UTRN: variants seen among roughly 807,000 people sequenced by gnomAD.
The protein encoded by UTRN is dystrophin-related protein 1.
UTRN carries 283 observed loss-of-function variants against 463.9 expected under a neutral mutation model. That is an observed-to-expected ratio of 0.61 (90% CI 0.55 to 0.67). The LOEUF (loss-of-function observed/expected upper bound fraction) is 0.67, where lower values mean the gene tolerates loss of function less well. UTRN is among the 30% of genes least tolerant of loss of function. UTRN has a pLI of 0.00. For synonymous variants in UTRN, 1,442 were observed against 1,431.5 expected, an observed-to-expected ratio of 1.01 and a Z score of -0.17; for missense variants, 3,922 against 4,084.3, an observed-to-expected ratio of 0.96 and a Z score of 1.08.
intron 52 of UTRN, among the ~76,000 whole-genome samples, chr6:144,688,738 C>T (rs1009682105): frequency 1.3e-5 from 2 of 152,146 alleles, no homozygotes; most frequent in African/African-American, 4.8e-5. Context: ...TCACTGTCTC[C>T]TGTGGCATTG....
At chr6:144,703,722 C>T (rs1784815077) in intron 53 of UTRN, among the ~76,000 whole-genome samples, 3 of 151,996 alleles carry the variant, frequency 2.0e-5, no homozygotes, top group African/African-American at 4.8e-5. Flanking sequence ...TCTTGTTGAC[C>T]TTGGACAAGA....
chr6:144,751,495 G>A (rs1186823079), intron 55 of UTRN, among the ~76,000 whole-genome samples: 2 of 152,114 alleles, frequency 1.3e-5, no homozygotes, highest in Non-Finnish European at 2.9e-5. Context: ...CCATTTATTT[G>A]GAAGTACAAT....
At chr6:144,356,859 GTGTA>G (rs981277056) in intron 2 of UTRN, among the ~76,000 whole-genome samples, 4 of 99,676 alleles carry the variant, frequency 4.0e-5, no homozygotes, top group African/African-American at 1.6e-4. Flanking sequence ...ATGTGTGTGT[GTGTA>G]TGTGTGTGTA....
rs1789541820 is a variant in UTRN at position 144,462,653 on chromosome 6, G to A, written c.2854-1G>A. On this transcript the variant is annotated splice_acceptor_variant, in intron 22 of 74. Transcript: ENST00000367545. LOFTEE classifies it high-confidence loss of function. ...TTTTAATCTTTTAAAACTTTTTCCA[G>A]ACCCTTGATGAAATCCTTGAGAATC... The A allele has an allele frequency of 6.3e-7, 1 of 1,595,466 alleles. No homozygotes were observed. The highest frequency in any genetic ancestry group is 1.4e-5 in the African/African-American group (1 of 73,526).
In UTRN at chr6:144,601,832, A is replaced by G. The variant is rs185509966; in HGVS notation, c.7479+24544A>G. Among the ~76,000 whole-genome samples, 221 of 152,300 alleles carry G rather than the reference A, an allele frequency of 1.5e-3. 1 individual carries two copies. The highest frequency in any genetic ancestry group is 0.011 in the Admixed American group (172 of 15,282). Reference sequence around the variant, plus strand: ...GGAAGAATCAGTGAATGGAGCAGACATCATTGCTGTCTTATTTTAAGAAAA... The same window carrying G: ...GGAAGAATCAGTGAATGGAGCAGACGTCATTGCTGTCTTATTTTAAGAAAA... On this transcript the variant is annotated intron_variant, in intron 51 of 74. Coordinates refer to ENST00000367545, the MANE Select transcript of UTRN (RefSeq NM_007124.3).
At chr6:144,722,478 T>C (rs943859485) in intron 53 of UTRN, among the ~76,000 whole-genome samples, 5 of 152,132 alleles carry the variant, frequency 3.3e-5, no homozygotes, top group Non-Finnish European at 7.4e-5. Context: ...CACACTCCTA[T>C]GCAGAGGGAA....
chr6:144,396,220 G>C (rs1782397248), intron 2 of UTRN, among the ~76,000 whole-genome samples: 1 of 152,140 alleles, frequency 6.6e-6, no homozygotes, highest in Non-Finnish European at 1.5e-5. Context: ...TCTGATACAA[G>C]CTACAACATG....
intron 51 of UTRN, among the ~76,000 whole-genome samples, chr6:144,625,427 C>T (rs1775845554): frequency 6.6e-6 from 1 of 152,128 alleles, no homozygotes; most frequent in Non-Finnish European, 1.5e-5. Context: ...AGGTATTTAT[C>T]TGCATATTTG....
intron 48 of UTRN, among the ~76,000 whole-genome samples, chr6:144,554,272 T>C (rs1799188267): frequency 6.6e-6 from 1 of 152,236 alleles, no homozygotes; most frequent in African/African-American, 2.4e-5. Context: ...AAAATTCTCC[T>C]TTGAGGGTAA....
intron 52 of UTRN, among the ~76,000 whole-genome samples, chr6:144,689,035 C>T (rs998347776): frequency 6.6e-6 from 1 of 152,148 alleles, no homozygotes; most frequent in Non-Finnish European, 1.5e-5. Context: ...AGGAAAGCCC[C>T]ACTACCCAGT....
chr6:144,511,498 C>T (rs1287180105), intron 35 of UTRN, among the ~76,000 whole-genome samples: 1 of 152,190 alleles, frequency 6.6e-6, no homozygotes, highest in East Asian at 1.9e-4. Flanking sequence ...CAGGCTCTAG[C>T]ATCTGACGGC....
chr6:144,534,357 C>G (rs2128603395), intron 43 of UTRN, among the ~76,000 whole-genome samples: 1 of 152,250 alleles, frequency 6.6e-6, no homozygotes, highest in African/African-American at 2.4e-5. Context: ...GGTTAAGTAA[C>G]TTGTCCAAGA....
intron 69 of UTRN, among the ~76,000 whole-genome samples, chr6:144,832,171 A>T (rs1780726737): frequency 6.6e-6 from 1 of 152,188 alleles, no homozygotes; most frequent in African/African-American, 2.4e-5. Context: ...GCATTTAAAG[A>T]GTTTGTTATT....
intron 58 of UTRN, among the ~76,000 whole-genome samples, chr6:144,762,386 T>G (rs1171944396): frequency 2.0e-5 from 3 of 152,188 alleles, no homozygotes; most frequent in Non-Finnish European, 4.4e-5. Context: ...GGAGAAAGTA[T>G]GAGCAAACAT....
intron 53 of UTRN, among the ~76,000 whole-genome samples, chr6:144,725,364 C>T (rs764508884): frequency 2.6e-5 from 4 of 152,198 alleles, no homozygotes; most frequent in Non-Finnish European, 5.9e-5. Context: ...TATGTTTTTA[C>T]TAGCAGCGTG....
intron 53 of UTRN, 80 bp downstream of exon 53, chr6:144,700,323 T>C: frequency 1.4e-6 from 2 of 1,454,638 alleles, no homozygotes; most frequent in Non-Finnish European, 1.8e-6. Flanking sequence ...TAGATAAGTA[T>C]CAGAGTTGAA....
At chr6:144,702,786 GA>G (rs1784720830) in intron 53 of UTRN, among the ~76,000 whole-genome samples, 2 of 152,142 alleles carry the variant, frequency 1.3e-5, no homozygotes, top group Non-Finnish European at 2.9e-5. Flanking sequence ...CATATTTGAG[GA>G]ATAGCTGGGA....
At chr6:144,771,246 T>C (rs1400953557) in intron 58 of UTRN, among the ~76,000 whole-genome samples, 1 of 152,104 alleles carries the variant, frequency 6.6e-6, no homozygotes, top group Non-Finnish European at 1.5e-5. Flanking sequence ...ATTTGTGTTT[T>C]TACAATGTAG....
intron 2 of UTRN, among the ~76,000 whole-genome samples, chr6:144,362,728 GA>G (rs977274051): frequency 6.6e-6 from 1 of 152,022 alleles, no homozygotes; most frequent in Non-Finnish European, 1.5e-5. Flanking sequence ...GGTAGAGAAG[GA>G]AAAAAATGAC....
Sources: allele counts gnomAD v4.1 joint callset (sites outside exome capture counted in the v4.1 genomes callset), GRCh38; gene constraint gnomAD v4.1.1; transcripts MANE v1.5; gene names NCBI Gene and HGNC (gene_info 2026-07-23, HGNC 2026-07-21).